CLUAP1: variants seen among roughly 807,000 people sequenced by gnomAD.
The protein encoded by CLUAP1 is clusterin-associated protein 1.
In CLUAP1, 50 loss-of-function variants were observed where a neutral mutation model predicts 55.0. The observed-to-expected ratio is 0.91, with a 90% CI of 0.72 to 1.15. The LOEUF (loss-of-function observed/expected upper bound fraction) is 1.15. CLUAP1 is among the 50% of genes most tolerant of loss of function. The pLI is 0.00. For missense variants in CLUAP1, 530 were observed against 507.6 expected, an observed-to-expected ratio of 1.04 and a Z score of -0.42; for synonymous variants, 195 against 175.4, an observed-to-expected ratio of 1.11 and a Z score of -0.88.
rs184432670 is a variant in CLUAP1 at position 3,530,483 on chromosome 16, T to A, written c.929-85T>A. ...TAGAATAAGAAATGAACAAATGACT[T>A]TTGCACACAGACCTTACTGGGCAGA... On this transcript the variant is annotated intron_variant, in intron 9 of 11. Transcript: ENST00000576634. The A allele has an allele frequency of 2.8e-5, 25 of 906,876 alleles. No homozygotes were observed. The Admixed American group carries it at 3.3e-4, about 12-fold the overall frequency. The allele number at this position is 906,876 out of a possible 1,614,324, so 56.2% of individuals were successfully genotyped here. A position where few individuals can be genotyped will look rare whatever the true frequency, so the allele number is the denominator to read the frequency against.
chr16:3,538,137 T>C lies in CLUAP1; in HGVS notation c.*1866T>C, dbSNP rs574339422. ...ATGTATTTAACACCATACTTCATAT[T>C]ATTAAATAGGTTTTACTTAAAAATA... On this transcript the variant is annotated 3_prime_UTR_variant, in exon 12 of 12. Transcript: ENST00000576634. 3 of 152,182 alleles carry C rather than the reference T, an allele frequency of 2.0e-5. No individual in the cohort carries two copies. The highest frequency in any genetic ancestry group is 1.3e-4 in the Admixed American group (2 of 15,290). 9.4% of individuals were successfully genotyped at this position (152,182 alleles called of 1,614,324 possible).
intron 5 of CLUAP1, among the ~76,000 whole-genome samples, chr16:3,512,812 C>A (rs1181298417): frequency 6.6e-6 from 1 of 152,200 alleles, no homozygotes; most frequent in Non-Finnish European, 1.5e-5. Flanking sequence ...TCCCAAGTAG[C>A]TGGGACTACA....
At chr16:3,496,135 C>G (rs183859740), upstream of CLUAP1, 37 of 386,768 alleles carry the variant, frequency 9.6e-5, no homozygotes, top group African/African-American at 7.3e-4. Context: ...AGCGAGACTC[C>G]GTCTCAAAAA....
intron 6 of CLUAP1, among the ~76,000 whole-genome samples, chr16:3,518,234 T>A (rs1278505029): frequency 6.6e-6 from 1 of 152,250 alleles, no homozygotes; most frequent in African/African-American, 2.4e-5. Flanking sequence ...AAAATTATTA[T>A]ACCTCTTATC....
At chr16:3,529,050 A>C (rs967518232) in intron 9 of CLUAP1, among the ~76,000 whole-genome samples, 2 of 152,008 alleles carry the variant, frequency 1.3e-5, no homozygotes, top group Non-Finnish European at 2.9e-5. Context: ...GTCATCCCTC[A>C]ATATCTGCGA....
chr16:3,521,108 C>T (rs534779365), intron 7 of CLUAP1, among the ~76,000 whole-genome samples: 6 of 151,992 alleles, frequency 3.9e-5, no homozygotes, highest in East Asian at 1.9e-4. Context: ...CCCTGCCCAG[C>T]GCAAGGCCAA....
chr16:3,519,320 C>T (rs555625624), intron 6 of CLUAP1, among the ~76,000 whole-genome samples: 2 of 152,340 alleles, frequency 1.3e-5, no homozygotes, highest in South Asian at 4.1e-4. Context: ...GTGGGAACTG[C>T]TTTCGTACTG....
In CLUAP1 at chr16:3,536,187, C is replaced by A. The variant is rs377448455; in HGVS notation, c.1158C>A (p.Asp386Glu). The change falls in exon 12 of 12, where the codon GAC becomes GAA. Residue 386 changes from aspartate (D) to glutamate (E), a missense_variant. By Grantham distance (45) the Asp-to-Glu change is conservative. Coordinates refer to ENST00000576634, the MANE Select transcript of CLUAP1 (RefSeq NM_015041.3). ...DDDDEDDDLE[D>E]ESISLSPTKP... ...ATGACGAGGATGACGATTTGGAAGA[C>A]GAGAGCATTTCTCTCTCACCAACCA... 1 of 1,614,102 alleles carries A rather than the reference C, an allele frequency of 6.2e-7. No individual in the cohort carries two copies. Among genetic ancestry groups the A allele is most frequent in the Non-Finnish European group, 8.5e-7 (1 of 1,180,000 alleles).
At chr16:3,507,516 T>G (rs1324166769) in intron 3 of CLUAP1, among the ~76,000 whole-genome samples, 3 of 150,608 alleles carry the variant, frequency 2.0e-5, no homozygotes, top group Non-Finnish European at 4.4e-5. Flanking sequence ...GCCGGGATCA[T>G]GTCATTGCAC....
upstream of CLUAP1, among the ~76,000 whole-genome samples, chr16:3,500,457 C>T (rs1404090013): frequency 6.6e-6 from 1 of 151,360 alleles, no homozygotes; most frequent in Non-Finnish European, 1.5e-5. Context: ...GCAACCTCTG[C>T]CTGCCGGGTT....
At chr16:3,530,486 G>A in intron 9 of CLUAP1, 82 bp from the exon 10 acceptor site, 3 of 923,640 alleles carry the variant, frequency 3.2e-6, no homozygotes, top group South Asian at 1.4e-5. Context: ...AATGACTTTT[G>A]CACACAGACC....
intron 11 of CLUAP1, chr16:3,534,117 C>T (rs1289945868): frequency 2.0e-5 from 3 of 152,258 alleles, no homozygotes; most frequent in African/African-American, 4.8e-5. Flanking sequence ...ATGGGGAACG[C>T]AGCAGGGGCA....
chr16:3,529,698 A>ATATAT (rs2038055505), intron 9 of CLUAP1, among the ~76,000 whole-genome samples: 3 of 20,252 alleles, frequency 1.5e-4, no homozygotes, highest in African/African-American at 9.6e-4. Flanking sequence ...TATATATTAT[A>ATATAT]TATTATATAT....
intron 2 of CLUAP1, 41 bp downstream of exon 2, chr16:3,504,872 G>T (rs1465596559): frequency 1.7e-6 from 2 of 1,152,318 alleles, no homozygotes; most frequent in Non-Finnish European, 2.6e-6. Flanking sequence ...GTGAATACTG[G>T]GTTTTATTTA....
chr16:3,505,776 A>G (rs550256513), intron 2 of CLUAP1, among the ~76,000 whole-genome samples: 1 of 152,234 alleles, frequency 6.6e-6, no homozygotes, highest in African/African-American at 2.4e-5. Context: ...TGAATATGTT[A>G]TATGATTCAG....
At position 3,520,015 on chromosome 16, in the gene CLUAP1, TAG is replaced by T; in HGVS notation, c.696_697del (p.Glu232AspfsTer12). The T allele has an allele frequency of 1.2e-6, 2 of 1,612,716 alleles. No homozygotes were observed. Among genetic ancestry groups the T allele is most frequent in the Non-Finnish European group, 8.5e-7 (1 of 1,179,650 alleles). On this transcript the variant is annotated frameshift_variant, in exon 7 of 12. Transcript: ENST00000576634. LOFTEE classifies it high-confidence loss of function. Reference sequence around the variant, plus strand: ...GAACTGGAAAGAAATCGGAAGCGACTAGAGACTCTGCAGAGTGTCAGGTAGAT... The same window carrying T: ...GAACTGGAAAGAAATCGGAAGCGACTAGACTCTGCAGAGTGTCAGGTAGAT...
intron 6 of CLUAP1, 30 bp downstream of exon 6, chr16:3,515,621 T>C: frequency 6.9e-7 from 1 of 1,446,486 alleles, no homozygotes. Flanking sequence ...ATATAATGTT[T>C]TTTATGCCTG....
At chr16:3,506,495 CTG>C (rs1371892801) in intron 3 of CLUAP1, 80 bp downstream of exon 3, 2 of 1,103,578 alleles carry the variant, frequency 1.8e-6, no homozygotes, top group African/African-American at 3.1e-5. Context: ...GACTTTCAAA[CTG>C]TGTAATTGAG....
At chr16:3,505,859 T>C (rs1318033774) in intron 2 of CLUAP1, among the ~76,000 whole-genome samples, 1 of 152,268 alleles carries the variant, frequency 6.6e-6, no homozygotes, top group Non-Finnish European at 1.5e-5. Flanking sequence ...ATAAGATCTC[T>C]ATTGCGTCTC....
Sources: allele counts gnomAD v4.1 joint callset (sites outside exome capture counted in the v4.1 genomes callset), GRCh38; gene constraint gnomAD v4.1.1; transcripts MANE v1.5; gene names NCBI Gene and HGNC (gene_info 2026-07-23, HGNC 2026-07-21).